TNFRSF8: variants seen among roughly 807,000 people sequenced by gnomAD.
TNFRSF8 encodes the protein TNF receptor superfamily member 8, also known as tumor necrosis factor receptor superfamily member 8.
In TNFRSF8, 26 loss-of-function variants were observed where a neutral mutation model predicts 70.8. The ratio of observed to expected loss-of-function variants is 0.37; its 90% confidence interval spans 0.27 to 0.51. TNFRSF8 has a LOEUF of 0.51. Among genes scored for constraint, TNFRSF8 ranks in the 20% least tolerant of loss-of-function variants. The pLI is 0.94. For missense variants in TNFRSF8, 720 were observed against 807.9 expected (o/e 0.89, Z 1.32); for synonymous variants, 356 against 339.2 (o/e 1.05, Z -0.54).
rs528509154 is a variant in TNFRSF8, at chr1:12,068,246, T to C, written c.63+4585T>C. On this transcript the variant is annotated intron_variant, in intron 1 of 14. Transcript: ENST00000263932. ...CGGGGGAGTCCTGGAGGCTTGAGGG[T>C]CCTTGGCAATGACAGTAGATCAGCC... is the stretch of plus-strand genomic sequence containing the variant. Among the ~76,000 whole-genome samples, 80 of 151,956 alleles carry C rather than the reference T, an allele frequency of 5.3e-4. No homozygotes were observed. In the South Asian group the frequency reaches 0.012, roughly 23 times the overall value.
At position 12,108,356 on chromosome 1, in the gene TNFRSF8, G is replaced by T. The variant is rs930901826; in HGVS notation, c.422-1210G>T. On this transcript the variant is annotated intron_variant, in intron 4 of 14. Coordinates refer to ENST00000263932, the MANE Select transcript of TNFRSF8 (RefSeq NM_001243.5). The surrounding 1 kb of genome is among the most constrained non-coding windows in gnomAD (Gnocchi z 4.0). ...GCCTCCCAAAGTGTTGGGATTACAG[G>T]TGTGAGCCACCGTGCCTGGCGACAT... 2.8e-4 allele frequency among the ~76,000 whole-genome samples: 43 copies of T among 152,026 alleles called. No individual in the cohort carries two copies. The highest frequency in any genetic ancestry group is 1.0e-3 in the African/African-American group (42 of 41,406).
chr1:12,092,249 G>C (rs1641258592), intron 2 of TNFRSF8, among the ~76,000 whole-genome samples: 2 of 152,062 alleles, frequency 1.3e-5, no homozygotes, highest in Admixed American at 1.3e-4. Flanking sequence ...CATGATCATA[G>C]CCCACTGCAA....
Position 12,109,860 on chromosome 1 carries a change from A to G in TNFRSF8, c.513-181A>G, listed in dbSNP as rs556207925. The stretch of plus-strand genomic sequence containing the variant: ...GTGTGCCCAGCCCTGCCCTGAGCAC[A>G]TGGGAGACCCACAGGGCTTAGAAAA... On this transcript the variant is annotated intron_variant, in intron 5 of 14. Coordinates refer to ENST00000263932, the MANE Select transcript of TNFRSF8 (RefSeq NM_001243.5). This position sits in a 1 kb window ranked among gnomAD's most constrained non-coding sequence, Gnocchi z 4.4. Among the ~76,000 whole-genome samples the G allele has an allele frequency of 1.3e-5, 2 of 152,292 alleles. No individual in the cohort carries two copies. Among genetic ancestry groups the G allele is most frequent in the South Asian group, 4.1e-4 (2 of 4,830 alleles).
intron 12 of TNFRSF8, among the ~76,000 whole-genome samples, chr1:12,129,588 C>T (rs911552406): frequency 4.6e-5 from 7 of 152,182 alleles, no homozygotes; most frequent in African/African-American, 1.4e-4. Flanking sequence ...CTGGGAAGAG[C>T]GCAGGCTGGT....
rs373121136 is a variant in TNFRSF8 at position 12,142,397 on chromosome 1, C to A, written c.1654C>A (p.Leu552Met). 1.6e-5 allele frequency: 25 copies of A among 1,612,482 alleles called. No homozygotes were observed. Among genetic ancestry groups the A allele is most frequent in the Non-Finnish European group, 2.0e-5 (24 of 1,179,492 alleles). The change falls in exon 15 of 15, where the codon CTG (leucine) becomes ATG (methionine). Residue 552 changes from leucine (L) to methionine (M), a missense_variant. Transcript: ENST00000263932. The surrounding 1 kb of genome is among the most constrained non-coding windows in gnomAD (Gnocchi z 5.0). ...AGCAGAGCCCGAGTTGGAGGAGGAG[C>A]TGGAGGCGGACCATACCCCCCACTA... ...GPAEPELEEE[L>M]EADHTPHYPE...
At chr1:12,075,647 A>T (rs1640932238) in intron 1 of TNFRSF8, among the ~76,000 whole-genome samples, 1 of 152,302 alleles carries the variant, frequency 6.6e-6, no homozygotes, top group South Asian at 2.1e-4. Flanking sequence ...CCATGTAAGG[A>T]GACGTATATG....
At chr1:12,104,270 C>A in intron 3 of TNFRSF8, 109 bp from the exon 4 acceptor site, 1 of 1,194,656 alleles carries the variant, frequency 8.4e-7, no homozygotes. Flanking sequence ...AGCTGGGAGG[C>A]GGAGGCTGCG....
In TNFRSF8 at chr1:12,141,914, G is replaced by T. The variant is rs1409652840; in HGVS notation, c.1544-373G>T. ...TTGCAGGAGGGCTGGGGACCCAGGAGTGGGGGTGTGGAAACTGCTCAGCTC... is the reference window on the plus strand; with the variant it reads ...TTGCAGGAGGGCTGGGGACCCAGGATTGGGGGTGTGGAAACTGCTCAGCTC... On this transcript the variant is annotated intron_variant, in intron 14 of 14. Coordinates refer to ENST00000263932, the MANE Select transcript of TNFRSF8 (RefSeq NM_001243.5). This position sits in a 1 kb window ranked among gnomAD's most constrained non-coding sequence, Gnocchi z 5.4. 6.6e-6 allele frequency among the ~76,000 whole-genome samples: 1 copy of T among 152,218 alleles called. No homozygotes were observed.
Position 12,115,719 on chromosome 1 carries a change from C to G in TNFRSF8, c.936C>G (p.Thr312=). 3.7e-6 allele frequency: 6 copies of G among 1,614,118 alleles called. No individual in the cohort carries two copies. The highest frequency in any genetic ancestry group is 5.1e-6 in the Non-Finnish European group (6 of 1,180,008). The change falls in exon 8 of 15, where the codon ACC becomes ACG. Residue 312 remains threonine, a synonymous_variant. Coordinates refer to ENST00000263932, the MANE Select transcript of TNFRSF8 (RefSeq NM_001243.5). ...PYPICAAETV[T]KPQDMAEKDT... is the part of the protein sequence containing the mutation. ...CAATCTGTGCAGCAGAGACGGTCACCAAGCCCCAGGGTAAGCAGTTCCCAC... is the reference window on the plus strand; with the variant it reads ...CAATCTGTGCAGCAGAGACGGTCACGAAGCCCCAGGGTAAGCAGTTCCCAC...
intron 4 of TNFRSF8, among the ~76,000 whole-genome samples, chr1:12,106,174 T>G (rs1187879657): frequency 6.6e-6 from 1 of 152,104 alleles, no homozygotes; most frequent in Non-Finnish European, 1.5e-5. Flanking sequence ...AGCCCCCTCC[T>G]TTCTCCCAGC....
chr1:12,129,936 G>T (rs1408030530), intron 12 of TNFRSF8, among the ~76,000 whole-genome samples: 1 of 152,044 alleles, frequency 6.6e-6, no homozygotes, highest in Non-Finnish European at 1.5e-5. Flanking sequence ...ACAGGGTCTG[G>T]CTCTGTCACC....
rs113287034 is a variant in TNFRSF8, at chr1:12,106,263, T to C, written c.421+1732T>C. On this transcript the variant is annotated intron_variant, in intron 4 of 14. Coordinates refer to ENST00000263932, the MANE Select transcript of TNFRSF8 (RefSeq NM_001243.5). ...CTTCCAGGTTGGAGGACGTGTGTGC[T>C]TCTCTGTCCCACCCGCCCTCTGCAC... 4.6e-5 allele frequency among the ~76,000 whole-genome samples: 7 copies of C among 152,266 alleles called. 1 individual carries two copies. Among genetic ancestry groups the C allele is most frequent in the African/African-American group, 1.4e-4 (6 of 41,558 alleles).
At chr1:12,079,429 C>T (rs1013786775) in intron 1 of TNFRSF8, among the ~76,000 whole-genome samples, 3 of 152,186 alleles carry the variant, frequency 2.0e-5, no homozygotes, top group South Asian at 2.1e-4. Context: ...ATCCCTCCTT[C>T]CCTCCCAGGC....
chr1:12,114,694 C>CTTTTTTTT (rs542462017), intron 7 of TNFRSF8, among the ~76,000 whole-genome samples: 3 of 77,034 alleles, frequency 3.9e-5, no homozygotes, highest in African/African-American at 5.6e-5. Context: ...GAAAAAAAAT[C>CTTTTTTTT]TTTTTTTTTT....
chr1:12,096,454 C>T (rs1641332809), intron 2 of TNFRSF8, among the ~76,000 whole-genome samples: 1 of 150,752 alleles, frequency 6.6e-6, no homozygotes, highest in Non-Finnish European at 1.5e-5. Context: ...ATCACACACA[C>T]GCAAATCTCA....
At chr1:12,092,839 T>A (rs1252020545) in intron 2 of TNFRSF8, among the ~76,000 whole-genome samples, 1 of 150,618 alleles carries the variant, frequency 6.6e-6, no homozygotes, top group Non-Finnish European at 1.5e-5. Flanking sequence ...AGAGTTTCCC[T>A]CTGTTGCCCA....
intron 3 of TNFRSF8, among the ~76,000 whole-genome samples, chr1:12,099,303 C>T (rs1311054263): frequency 6.6e-6 from 1 of 152,010 alleles, no homozygotes; most frequent in Non-Finnish European, 1.5e-5. Context: ...CACCACCACG[C>T]CTGGCTAATT....
intron 1 of TNFRSF8, 76 bp from the exon 2 acceptor site, chr1:12,084,388 C>T (rs1641116819): frequency 7.3e-7 from 1 of 1,365,306 alleles, no homozygotes; most frequent in African/African-American, 1.4e-5. Flanking sequence ...TCTCAGGCCT[C>T]CTGGGACTGG....
intron 12 of TNFRSF8, among the ~76,000 whole-genome samples, chr1:12,128,058 G>A (rs1009227354): frequency 3.9e-5 from 6 of 152,212 alleles, no homozygotes; most frequent in Non-Finnish European, 5.9e-5. Context: ...AGAATGGACC[G>A]AGCTGGCCGG....
Sources: gnomAD v4.1 joint callset for allele counts (sites outside exome capture counted in the v4.1 genomes callset) on GRCh38, gnomAD v4.1.1 for gene constraint, Gnocchi (gnomAD v3.1) non-coding constraint, MANE v1.5 for transcripts, NCBI Gene and HGNC (gene_info 2026-07-23, HGNC 2026-07-21) for gene names.